The following ADAMTS19 variants were observed in gnomAD, a reference collection of about 807,000 sequenced individuals.
ADAMTS19 encodes ADAM metallopeptidase with thrombospondin type 1 motif 19, also known as A disintegrin and metalloproteinase with thrombospondin motifs 19.
Under a neutral mutation model 153.3 loss-of-function variants are expected in ADAMTS19, and 93 were observed. The ratio of observed to expected loss-of-function variants is 0.61; its 90% CI spans 0.51 to 0.72. The LOEUF (loss-of-function observed/expected upper bound fraction) is 0.72. Ranked by LOEUF, ADAMTS19 falls within the 30% of genes least tolerant of loss-of-function variation. The probability of loss-of-function intolerance (pLI) is 0.00; values close to 1 mark genes in which losing one functional copy is unlikely to be tolerated. For synonymous variants in ADAMTS19, 600 were observed against 556.6 expected (o/e 1.08, Z -1.10); for missense variants, 1,482 against 1,552.1 (o/e 0.95, Z 0.76).
intron 7 of ADAMTS19, among the ~76,000 whole-genome samples, chr5:129,557,714 C>A (rs1753363056): frequency 6.6e-6 from 1 of 152,010 alleles, no homozygotes; most frequent in Admixed American, 6.6e-5. Flanking sequence ...CAATGTTATA[C>A]AAACTATTTT....
At chr5:129,595,072 C>T (rs1750311655) in intron 7 of ADAMTS19, among the ~76,000 whole-genome samples, 1 of 152,054 alleles carries the variant, frequency 6.6e-6, no homozygotes, top group African/African-American at 2.4e-5. Flanking sequence ...TTTGCTGTTT[C>T]TTCATGTAGT....
At chr5:129,537,565 G>A (rs1419918483) in intron 6 of ADAMTS19, among the ~76,000 whole-genome samples, 1 of 151,702 alleles carries the variant, frequency 6.6e-6, no homozygotes, top group Admixed American at 6.6e-5. Context: ...AGAAAATGTG[G>A]CACATCTACA....
At chr5:129,659,269 A>G (rs1413647581) in intron 15 of ADAMTS19, among the ~76,000 whole-genome samples, 4 of 152,190 alleles carry the variant, frequency 2.6e-5, no homozygotes, top group Non-Finnish European at 5.9e-5. Flanking sequence ...AGCAGAGTTC[A>G]TCCTCCCTTG....
chr5:129,473,100 A>T (rs1750120093), intron 2 of ADAMTS19, among the ~76,000 whole-genome samples: 1 of 151,920 alleles, frequency 6.6e-6, no homozygotes, highest in South Asian at 2.1e-4. Context: ...ACAAAAAAAT[A>T]AAAATAAAAA....
intron 7 of ADAMTS19, among the ~76,000 whole-genome samples, chr5:129,567,788 A>G (rs1023577909): frequency 4.6e-5 from 7 of 152,036 alleles, no homozygotes; most frequent in African/African-American, 1.7e-4. Flanking sequence ...TCACATTTGG[A>G]AAAAAATTTA....
At chr5:129,498,398 A>G (rs930319682) in intron 2 of ADAMTS19, among the ~76,000 whole-genome samples, 6 of 152,066 alleles carry the variant, frequency 3.9e-5, no homozygotes, top group Non-Finnish European at 8.8e-5. Flanking sequence ...TATTCTAGCT[A>G]TATTTATTCT....
intron 19 of ADAMTS19, among the ~76,000 whole-genome samples, chr5:129,698,773 TTG>T (rs1472790760): frequency 6.6e-6 from 1 of 152,210 alleles, no homozygotes; most frequent in African/African-American, 2.4e-5. Context: ...TGGACTTAGA[TTG>T]GGATTATTTT....
At chr5:129,498,218 C>T (rs1265251557) in intron 2 of ADAMTS19, among the ~76,000 whole-genome samples, 1 of 152,014 alleles carries the variant, frequency 6.6e-6, no homozygotes, top group Non-Finnish European at 1.5e-5. Context: ...GTAGTAGCCT[C>T]CCAACAAGTC....
At chr5:129,603,008 A>G (rs1450607926) in intron 8 of ADAMTS19, among the ~76,000 whole-genome samples, 1 of 152,136 alleles carries the variant, frequency 6.6e-6, no homozygotes, top group African/African-American at 2.4e-5. Context: ...TCTATGCCAG[A>G]ATATAGGACA....
intron 7 of ADAMTS19, among the ~76,000 whole-genome samples, chr5:129,569,808 G>C (rs1475438166): frequency 6.6e-6 from 1 of 151,960 alleles, no homozygotes; most frequent in African/African-American, 2.4e-5. Flanking sequence ...GGAGGATGCA[G>C]AAAAAGCCAT....
intron 7 of ADAMTS19, among the ~76,000 whole-genome samples, chr5:129,555,848 C>T (rs1457300770): frequency 6.6e-6 from 1 of 152,124 alleles, no homozygotes; most frequent in African/African-American, 2.4e-5. Context: ...AGAACACTGT[C>T]TTCAGATGAA....
chr5:129,651,913 G>C (rs909495138), intron 13 of ADAMTS19, among the ~76,000 whole-genome samples: 1 of 151,900 alleles, frequency 6.6e-6, no homozygotes, highest in Non-Finnish European at 1.5e-5. Flanking sequence ...CTGATTATTT[G>C]AATGTTAATC....
intron 19 of ADAMTS19, among the ~76,000 whole-genome samples, chr5:129,698,005 CAG>C (rs1755640000): frequency 6.6e-6 from 1 of 152,028 alleles, no homozygotes; most frequent in Non-Finnish European, 1.5e-5. Context: ...TGTGAAGGAG[CAG>C]AGTGTACAAT....
chr5:129,623,233 C>T (rs934336981), intron 10 of ADAMTS19, among the ~76,000 whole-genome samples: 1 of 152,080 alleles, frequency 6.6e-6, no homozygotes, highest in African/African-American at 2.4e-5. Flanking sequence ...TCAGAGAGAA[C>T]AGTAGTGTTA....
chr5:129,482,004 A>G (rs1009864049), intron 2 of ADAMTS19, among the ~76,000 whole-genome samples: 1 of 152,138 alleles, frequency 6.6e-6, no homozygotes, highest in African/African-American at 2.4e-5. Context: ...ACCTGCATGC[A>G]TTGCCTTTGC....
chr5:129,611,029 T>C (rs1751186293), intron 8 of ADAMTS19, among the ~76,000 whole-genome samples: 2 of 152,226 alleles, frequency 1.3e-5, no homozygotes, highest in Non-Finnish European at 2.9e-5. Context: ...TTTGCATTTG[T>C]CTGATGGCCA....
At position 129,658,666 on chromosome 5, in the gene ADAMTS19, G is replaced by A; in HGVS notation, c.2354G>A (p.Cys785Tyr). Reference sequence around the variant, plus strand: ...GGGTCTCTTGCAAGAGAAGATCATTGTGGTGTATGCAATGGCAATGGAAAA... The same window carrying A: ...GGGTCTCTTGCAAGAGAAGATCATTATGGTGTATGCAATGGCAATGGAAAA... ...LLGSLAREDH[C>Y]GVCNGNGKSC... The change falls in exon 15 of 23, where the codon TGT (cysteine) becomes TAT (tyrosine). Residue 785 changes from cysteine (C) to tyrosine (Y), a missense_variant. This residue lies in a region of ADAMTS19 where 616 missense variants were observed against 724.4 expected (regional missense o/e 0.85). Coordinates refer to ENST00000274487, the MANE Select transcript of ADAMTS19 (RefSeq NM_133638.6). 6.2e-7 allele frequency: 1 copy of A among 1,613,552 alleles called. No individual in the cohort carries two copies. Among genetic ancestry groups the A allele is most frequent in the Non-Finnish European group, 8.5e-7 (1 of 1,179,708 alleles).
At chr5:129,527,571 T>C (rs958124823) in intron 4 of ADAMTS19, among the ~76,000 whole-genome samples, 177 bp from the exon 5 acceptor site, 1 of 150,418 alleles carries the variant, frequency 6.6e-6, no homozygotes, top group Admixed American at 6.6e-5. Flanking sequence ...CTAAGTTTTC[T>C]TTTAAATTCA....
chr5:129,611,924 G>A (rs1218975445), intron 8 of ADAMTS19, among the ~76,000 whole-genome samples: 1 of 152,068 alleles, frequency 6.6e-6, no homozygotes, highest in Non-Finnish European at 1.5e-5. Flanking sequence ...CCAGAAGAGA[G>A]TGGGGGCTAA....
Sources: allele counts gnomAD v4.1 joint callset (sites outside exome capture counted in the v4.1 genomes callset), GRCh38; gene constraint gnomAD v4.1.1; regional missense constraint gnomAD v4.1.1; transcripts MANE v1.5; gene names NCBI Gene and HGNC (gene_info 2026-07-23, HGNC 2026-07-21).